FOXO3B: variants seen among roughly 807,000 people sequenced by gnomAD.
FOXO3B encodes forkhead box protein O3B.
In FOXO3B, 15 loss-of-function variants were observed where a neutral mutation model predicts 21.9. The ratio of observed to expected loss-of-function variants is 0.68; its 90% CI spans 0.46 to 1.05. The LOEUF is 1.05. Among genes scored for constraint, FOXO3B ranks in the 50% least tolerant of loss-of-function variants. FOXO3B has a pLI of 0.00. For synonymous variants in FOXO3B, 135 were observed against 213.6 expected (o/e 0.63, Z 3.21); for missense variants, 293 against 435.5 (o/e 0.67, Z 2.91).
rs1321020083 is a variant in FOXO3B at position 18,672,995 on chromosome 17, G to T, written c.187C>A (p.Pro63Thr). 1 of 1,473,478 alleles carries T rather than the reference G, an allele frequency of 6.8e-7. No individual in the cohort carries two copies. The highest frequency in any genetic ancestry group is 2.3e-5 in the Admixed American group (1 of 43,150). The allele number at this position is 1,473,478 out of a possible 1,614,324, so 91.3% of individuals were successfully genotyped here. The change falls in exon 4 of 4, where the codon CCG (proline) becomes ACG (threonine). Residue 63 changes from proline (P) to threonine (T), a missense_variant. This residue lies in a region of FOXO3B where 251 missense variants were observed against 404.0 expected (regional missense o/e 0.62). Transcript: ENST00000395675. The surrounding 1 kb of genome is among the most constrained non-coding windows in gnomAD (Gnocchi z 4.2). ...RSLRGVHVPP[P>T]LHPAPAREES... is the part of the protein sequence containing the mutation. ...TCTCGCGCCGGGGCGGGGTGCAGCG[G>T]GGGAGGGACGTGGACGCCGCGAAGG...
In FOXO3B at chr17:18,672,304, T is replaced by C. The variant is rs2032384564; in HGVS notation, c.*5A>G. ...CAGTGACAGGTTGTGCCGGATGGAG[T>C]TCTTCTAGCCGGCAGAGCTGTTGCT... On this transcript the variant is annotated 3_prime_UTR_variant, in exon 4 of 4. Coordinates refer to ENST00000395675, the MANE Select transcript of FOXO3B (RefSeq NM_001368135.1). This position sits in a 1 kb window ranked among gnomAD's most constrained non-coding sequence, Gnocchi z 4.2. 4.3e-6 allele frequency: 7 copies of C among 1,609,402 alleles called. No homozygotes were observed. The highest frequency in any genetic ancestry group is 3.3e-5 in the Admixed American group (2 of 59,880).
chr17:18,677,564 C>G, intron 3 of FOXO3B: 3 of 1,603,372 alleles, frequency 1.9e-6, no homozygotes, highest in Non-Finnish European at 2.6e-6. Flanking sequence ...ACGGGGGCGC[C>G]GGCGGGCCCA....
rs200290888 is a variant in FOXO3B, at chr17:18,671,736, G to A, written c.*573C>T. On this transcript the variant is annotated 3_prime_UTR_variant, in exon 4 of 4. Coordinates refer to ENST00000395675, the MANE Select transcript of FOXO3B (RefSeq NM_001368135.1). ...CCCAGTGGGCGATGGCTGGGATGGC[G>A]GGAGCGTGATGTTATCCAGCAGGTC... 12 of 1,613,586 alleles carry A rather than the reference G, an allele frequency of 7.4e-6. No homozygotes were observed. Among genetic ancestry groups the A allele is most frequent in the East Asian group, 2.2e-5 (1 of 44,882 alleles).
At chr17:18,677,183 G>A in intron 3 of FOXO3B, 1 of 1,251,340 alleles carries the variant, frequency 8.0e-7, no homozygotes, top group Non-Finnish European at 1.1e-6. Flanking sequence ...AATGACTCTA[G>A]AAACCTCTTT....
chr17:18,670,049 A>G lies in FOXO3B; in HGVS notation c.*2260T>C, dbSNP rs1315895947. On this transcript the variant is annotated 3_prime_UTR_variant, in exon 4 of 4. Transcript: ENST00000395675. ...AATATCATTATTCTAGTTTCTAACC[A>G]GCAGACCAACACTGTTCACATTAGC... Among the ~76,000 whole-genome samples, 2 of 151,730 alleles carry G rather than the reference A, an allele frequency of 1.3e-5. No individual in the cohort carries two copies. Among genetic ancestry groups the G allele is most frequent in the Non-Finnish European group, 2.9e-5 (2 of 68,010 alleles).
intron 3 of FOXO3B, chr17:18,677,553 C>A: frequency 1.2e-6 from 2 of 1,606,450 alleles, no homozygotes; most frequent in East Asian, 2.2e-5. Flanking sequence ...CACAGAGATC[C>A]ACGGGGGCGC....
rs779807041 is a variant in FOXO3B at position 18,672,912 on chromosome 17, C to G, written c.270G>C (p.Pro90=). ...GCGGAGAAAGCGGGGCCGGGGAAGCCGGTGCCTCTGCCATCTTCGCCGCCC... is the reference window on the plus strand; with the variant it reads ...GCGGAGAAAGCGGGGCCGGGGAAGCGGGTGCCTCTGCCATCTTCGCCGCCC... ...AGRAAKMAEA[P]ASPAPLSPLE... The change falls in exon 4 of 4, where the codon CCG becomes CCC. Residue 90 remains proline, a synonymous_variant. Transcript: ENST00000395675. The surrounding 1 kb of genome is among the most constrained non-coding windows in gnomAD (Gnocchi z 4.2). 5.8e-6 allele frequency: 9 copies of G among 1,546,974 alleles called. No homozygotes were observed. The highest frequency in any genetic ancestry group is 1.2e-5 in the South Asian group (1 of 84,156).
In FOXO3B at chr17:18,670,442, C is replaced by T. The variant is rs183393822; in HGVS notation, c.*1867G>A. ...GTTTTTAAATTTGCTAGGGGAAGGACGGTTAACATTTTAACAGAAAAATAC... is the reference window on the plus strand; with the variant it reads ...GTTTTTAAATTTGCTAGGGGAAGGATGGTTAACATTTTAACAGAAAAATAC... On this transcript the variant is annotated 3_prime_UTR_variant, in exon 4 of 4. Coordinates refer to ENST00000395675, the MANE Select transcript of FOXO3B (RefSeq NM_001368135.1). Among the ~76,000 whole-genome samples, 2 of 152,238 alleles carry T rather than the reference C, an allele frequency of 1.3e-5. No individual in the cohort carries two copies. The highest frequency in any genetic ancestry group is 1.9e-4 in the East Asian group (1 of 5,190).
Position 18,671,929 on chromosome 17 carries a change from A to G in FOXO3B, c.*380T>C. On this transcript the variant is annotated 3_prime_UTR_variant, in exon 4 of 4. Transcript: ENST00000395675. ...CGCATCGTCGTCCTGGACTTCATCC[A>G]ACTCTGTGCTTGCCATGATGGGCGA... 1 of 1,613,610 alleles carries G rather than the reference A, an allele frequency of 6.2e-7. No homozygotes were observed. Among genetic ancestry groups the G allele is most frequent in the East Asian group, 2.2e-5 (1 of 44,866 alleles).
At chr17:18,677,266 T>C (rs2151736559) in intron 3 of FOXO3B, 1 of 1,612,088 alleles carries the variant, frequency 6.2e-7, no homozygotes, top group Non-Finnish European at 8.5e-7. Flanking sequence ...ATACAAGGTC[T>C]GTTCCGCATG....
Position 18,668,580 on chromosome 17 carries a change from A to C in FOXO3B, c.*3729T>G, listed in dbSNP as rs1293398216. On this transcript the variant is annotated 3_prime_UTR_variant, in exon 4 of 4. Transcript: ENST00000395675. ...CAAAGCAGCTCCCTGGGTCTGTAAAACTGCAAAGGCAAGTAGCGATTTTGT... is the reference window on the plus strand; with the variant it reads ...CAAAGCAGCTCCCTGGGTCTGTAAACCTGCAAAGGCAAGTAGCGATTTTGT... 2.6e-5 allele frequency: 4 copies of C among 152,530 alleles called. No individual in the cohort carries two copies. The highest frequency in any genetic ancestry group is 1.5e-5 in the Non-Finnish European group (1 of 68,040). 9.4% of individuals were successfully genotyped at this position (152,530 alleles called of 1,614,324 possible). A position where few individuals can be genotyped will look rare whatever the true frequency, so the allele number is the denominator to read the frequency against.
At position 18,671,628 on chromosome 17, in the gene FOXO3B, G is replaced by A. The variant is rs116821563; in HGVS notation, c.*681C>T. The A allele has an allele frequency of 5.4e-3, 8,682 of 1,613,898 alleles. 339 individuals are homozygous for A. In the African/African-American group the frequency reaches 0.089, roughly 17 times the overall value. ...GTTCAGAGATGAAGGTCCAAACACC[G>A]TGCTGTTAAAGGAGCTGGTTGGGGA... On this transcript the variant is annotated 3_prime_UTR_variant, in exon 4 of 4. Transcript: ENST00000395675.
rs1224044641 is a variant in FOXO3B at position 18,669,069 on chromosome 17, C to G, written c.*3240G>C. On this transcript the variant is annotated 3_prime_UTR_variant, in exon 4 of 4. Coordinates refer to ENST00000395675, the MANE Select transcript of FOXO3B (RefSeq NM_001368135.1). ...TCAGTAAAAGGCAGGGTGAAATCAA[C>G]AGGGCCATCGCTCAAACATGGCAAC... is the stretch of plus-strand genomic sequence containing the variant. The G allele has an allele frequency of 6.9e-6, 1 of 145,256 alleles. No homozygotes were observed. Among genetic ancestry groups the G allele is most frequent in the Non-Finnish European group, 1.5e-5 (1 of 66,466 alleles). The allele number at this position is 145,256 out of a possible 1,614,324, so 9.0% of individuals were successfully genotyped here. A position where few individuals can be genotyped will look rare whatever the true frequency, so the allele number is the denominator to read the frequency against.
In FOXO3B at chr17:18,677,213, G is replaced by C. The variant is rs994798665; in HGVS notation, c.126+3528C>G. 2.6e-5 allele frequency: 38 copies of C among 1,469,088 alleles called. No individual in the cohort carries two copies. In the African/African-American group the frequency reaches 4.0e-4, roughly 16 times the overall value. The allele number at this position is 1,469,088 out of a possible 1,614,324, so 91.0% of individuals were successfully genotyped here. ...CTCTTTGGCACTATCTACCAACAGT[G>C]AGTATGTATCTATCCTCTGATAAAA... On this transcript the variant is annotated intron_variant, in intron 3 of 3. Coordinates refer to ENST00000395675, the MANE Select transcript of FOXO3B (RefSeq NM_001368135.1).
At chr17:18,673,519 C>CT (rs1223862642) in intron 3 of FOXO3B, among the ~76,000 whole-genome samples, 1 of 152,072 alleles carries the variant, frequency 6.6e-6, no homozygotes, top group East Asian at 1.9e-4. Context: ...TCTTTAGGGT[C>CT]TTTAACAATT....
rs1397868267 is a variant in FOXO3B, at chr17:18,672,991, A to C, written c.191T>G (p.Leu64Arg). Reference protein sequence around the residue: ...SLRGVHVPPPLHPAPAREESA... With the variant: ...SLRGVHVPPPRHPAPAREESA... ...CTCCTCTCGCGCCGGGGCGGGGTGC[A>C]GCGGGGGAGGGACGTGGACGCCGCG... The change falls in exon 4 of 4, where the codon CTG becomes CGG. Residue 64 changes from leucine (L) to arginine (R), a missense_variant. Coordinates refer to ENST00000395675, the MANE Select transcript of FOXO3B (RefSeq NM_001368135.1). The surrounding 1 kb of genome is among the most constrained non-coding windows in gnomAD (Gnocchi z 4.2). The C allele has an allele frequency of 6.8e-7, 1 of 1,473,078 alleles. No homozygotes were observed. Among genetic ancestry groups the C allele is most frequent in the Non-Finnish European group, 8.9e-7 (1 of 1,119,018 alleles). The allele number at this position is 1,473,078 out of a possible 1,614,324, so 91.3% of individuals were successfully genotyped here.
At chr17:18,677,692 G>A (rs1250968794) in intron 3 of FOXO3B, 4 of 1,603,340 alleles carry the variant, frequency 2.5e-6, no homozygotes, top group Non-Finnish European at 3.4e-6. Flanking sequence ...AAGCATGCTG[G>A]CGAGCGCGAT....
intron 3 of FOXO3B, among the ~76,000 whole-genome samples, chr17:18,679,909 G>A (rs1462115571): frequency 1.3e-5 from 2 of 151,326 alleles, no homozygotes; most frequent in Admixed American, 6.6e-5. Flanking sequence ...GTGCGATCTC[G>A]GCTTACTGCA....
In FOXO3B at chr17:18,672,305, T is replaced by C. The variant is rs533766294; in HGVS notation, c.*4A>G. 7.3e-5 allele frequency: 117 copies of C among 1,609,872 alleles called. 1 individual carries two copies. In the African/African-American group the frequency reaches 1.0e-3, roughly 14 times the overall value. On this transcript the variant is annotated 3_prime_UTR_variant, in exon 4 of 4. Coordinates refer to ENST00000395675, the MANE Select transcript of FOXO3B (RefSeq NM_001368135.1). The surrounding 1 kb of genome is among the most constrained non-coding windows in gnomAD (Gnocchi z 4.2). ...AGTGACAGGTTGTGCCGGATGGAGT[T>C]CTTCTAGCCGGCAGAGCTGTTGCTG... is the stretch of plus-strand genomic sequence containing the variant.
Sources: gnomAD v4.1 joint callset for allele counts (sites outside exome capture counted in the v4.1 genomes callset) on GRCh38, gnomAD v4.1.1 for gene constraint, gnomAD v4.1.1 regional missense constraint, Gnocchi (gnomAD v3.1) non-coding constraint, MANE v1.5 for transcripts, NCBI Gene and HGNC (gene_info 2026-07-23, HGNC 2026-07-21) for gene names.